The following RYR2 variants were observed in gnomAD, a reference collection of about 807,000 sequenced individuals.
RYR2 encodes the protein cardiac muscle ryanodine receptor-calcium release channel.
RYR2 carries 227 observed loss-of-function variants against 601.1 expected under a neutral mutation model. The observed-to-expected ratio is 0.38, with a 90% CI of 0.34 to 0.42. The LOEUF (loss-of-function observed/expected upper bound fraction) is 0.42, where lower values mean the gene tolerates loss of function less well. Among genes scored for constraint, RYR2 ranks in the 10% least tolerant of loss-of-function variants. The probability of loss-of-function intolerance (pLI) is 1.00; values close to 1 mark genes in which losing one functional copy is unlikely to be tolerated. For synonymous variants in RYR2, 2,223 were observed against 2,175.1 expected (o/e 1.02, Z -0.61); for missense variants, 4,646 against 6,156.5 (o/e 0.75, Z 8.21).
At chr1:237,831,290 A>G (rs547165590) in intron 103 of RYR2, among the ~76,000 whole-genome samples, 1 of 152,302 alleles carries the variant, frequency 6.6e-6, no homozygotes, top group Admixed American at 6.5e-5. Flanking sequence ...ACCAGTGTGT[A>G]TATTCCTAAC....
intron 91 of RYR2, among the ~76,000 whole-genome samples, chr1:237,787,281 T>C (rs568108341): frequency 2.2e-4 from 33 of 151,930 alleles, no homozygotes; most frequent in African/African-American, 7.7e-4. Context: ...TAATGGAAAA[T>C]GTTAAAAATT....
chr1:237,421,102 G>A (rs1430926273), intron 11 of RYR2, among the ~76,000 whole-genome samples: 4 of 152,146 alleles, frequency 2.6e-5, no homozygotes, highest in African/African-American at 4.8e-5. Flanking sequence ...AGCCGGGCGC[G>A]GTGGCTGGCG....
intron 17 of RYR2, among the ~76,000 whole-genome samples, chr1:237,490,065 C>G (rs1487115086): frequency 1.3e-5 from 2 of 152,134 alleles, no homozygotes; most frequent in African/African-American, 4.8e-5. Flanking sequence ...TTATCCTAAG[C>G]AAATTAATGC....
At chr1:237,697,382 CATATT>C (rs1419111813) in intron 63 of RYR2, among the ~76,000 whole-genome samples, 3 of 134,386 alleles carry the variant, frequency 2.2e-5, no homozygotes, top group Admixed American at 7.9e-5. Flanking sequence ...TATATAATTG[CATATT>C]ATATATTATG....
chr1:237,209,718 T>C (rs1214699227), intron 1 of RYR2, among the ~76,000 whole-genome samples: 3 of 152,018 alleles, frequency 2.0e-5, no homozygotes, highest in African/African-American at 7.2e-5. Flanking sequence ...TAGCCAGGTG[T>C]GGTGATGCAT....
chr1:237,442,497 C>G (rs528292464), intron 13 of RYR2, among the ~76,000 whole-genome samples: 2 of 152,262 alleles, frequency 1.3e-5, no homozygotes, highest in Non-Finnish European at 2.9e-5. Context: ...AGTACAGTTA[C>G]ATAGCATTAA....
chr1:237,082,026 G>A (rs1052314509), intron 1 of RYR2, among the ~76,000 whole-genome samples: 26 of 152,150 alleles, frequency 1.7e-4, no homozygotes, highest in Admixed American at 9.8e-4. Context: ...TAGAGATGAA[G>A]GTTTCTGTCC....
At chr1:237,130,982 A>C (rs557159186) in intron 1 of RYR2, among the ~76,000 whole-genome samples, 15 of 152,278 alleles carry the variant, frequency 9.9e-5, no homozygotes, top group African/African-American at 3.6e-4. Flanking sequence ...AAGAGAAGTG[A>C]GAAACTCTCC....
chr1:237,102,901 A>G (rs1668272949), intron 1 of RYR2, among the ~76,000 whole-genome samples: 1 of 152,210 alleles, frequency 6.6e-6, no homozygotes, highest in Non-Finnish European at 1.5e-5. Context: ...TTTATTATAA[A>G]ATACACGTAT....
At chr1:237,658,827 A>G (rs1369893502) in intron 54 of RYR2, among the ~76,000 whole-genome samples, 2 of 152,216 alleles carry the variant, frequency 1.3e-5, no homozygotes, top group African/African-American at 2.4e-5. Context: ...TTTACTAAAA[A>G]TAGATTACAT....
chr1:237,238,888 C>T (rs1256387672), intron 1 of RYR2, among the ~76,000 whole-genome samples: 4 of 147,488 alleles, frequency 2.7e-5, no homozygotes, highest in African/African-American at 5.4e-5. Flanking sequence ...ATAAAAGGTA[C>T]GAACCCAATT....
chr1:237,127,313 CAGGGTGGTGGCCGGGCAGAG>C (rs1671551344), intron 1 of RYR2, among the ~76,000 whole-genome samples: 2 of 151,834 alleles, frequency 1.3e-5, no homozygotes, highest in Admixed American at 6.6e-5. Context: ...ACCTCCCAGA[CAGGGTGGTGGCCGGGCAGAG>C]GGGCTCCTCA....
chr1:237,084,721 G>A (rs371416545), intron 1 of RYR2, among the ~76,000 whole-genome samples: 4 of 152,262 alleles, frequency 2.6e-5, no homozygotes, highest in East Asian at 1.9e-4. Flanking sequence ...TTTGCTTTTG[G>A]CCAGGCATTT....
At chr1:237,193,822 G>A (rs1680271859) in intron 1 of RYR2, among the ~76,000 whole-genome samples, 1 of 152,104 alleles carries the variant, frequency 6.6e-6, no homozygotes, top group South Asian at 2.1e-4. Flanking sequence ...GCAAGACTTT[G>A]ACCAGATTCC....
Position 237,798,184 on chromosome 1 carries a change from C to CG in RYR2, c.14090+16dup. 2 of 1,608,000 alleles carry CG rather than the reference C, an allele frequency of 1.2e-6. No individual in the cohort carries two copies. The highest frequency in any genetic ancestry group is 1.7e-6 in the Non-Finnish European group (2 of 1,177,780). On this transcript the variant is annotated intron_variant, in intron 97 of 104. Coordinates refer to ENST00000366574, the MANE Select transcript of RYR2 (RefSeq NM_001035.3). ...CTTATCAGCTGTGTAAGTGTTACTT[C>CG]GGCTCTATCCTACAGACTTAGATTG...
At chr1:237,205,106 A>G (rs1024769784) in intron 1 of RYR2, among the ~76,000 whole-genome samples, 1 of 152,192 alleles carries the variant, frequency 6.6e-6, no homozygotes, top group African/African-American at 2.4e-5. Context: ...AGCTCCCCCA[A>G]GGCACTGCAT....
chr1:237,324,096 G>A (rs1382075841), intron 2 of RYR2, among the ~76,000 whole-genome samples: 1 of 152,136 alleles, frequency 6.6e-6, no homozygotes, highest in Non-Finnish European at 1.5e-5. Context: ...TATGATTGGG[G>A]TTTTGAAGCA....
intron 72 of RYR2, 145 bp downstream of exon 72, chr1:237,717,513 CAAACAT>C: frequency 1.6e-6 from 1 of 633,196 alleles, no homozygotes; most frequent in Non-Finnish European, 2.5e-6. Flanking sequence ...GCCCAAGACT[CAAACAT>C]AAAGACTGCT....
At chr1:237,356,952 T>C (rs1699349609) in intron 4 of RYR2, among the ~76,000 whole-genome samples, 1 of 152,172 alleles carries the variant, frequency 6.6e-6, no homozygotes. Flanking sequence ...ATTTTTCTGG[T>C]TTTAGGATCC....
Sources: gnomAD v4.1 joint callset for allele counts (sites outside exome capture counted in the v4.1 genomes callset) on GRCh38, gnomAD v4.1.1 for gene constraint, MANE v1.5 for transcripts, NCBI Gene and HGNC (gene_info 2026-07-23, HGNC 2026-07-21) for gene names.